The following NTM variants were observed in gnomAD, a reference collection of about 807,000 sequenced individuals.
NTM encodes IgLON family member 2.
A neutral mutation model predicts 42.1 loss-of-function variants in NTM; 13 were observed. The observed-to-expected ratio is 0.31, with a 90% CI of 0.20 to 0.49. The LOEUF is 0.49. NTM is among the 20% of genes least tolerant of loss of function. The probability of loss-of-function intolerance (pLI) is 0.99; values close to 1 mark genes in which losing one functional copy is unlikely to be tolerated. For synonymous variants in NTM, 187 were observed against 179.2 expected (o/e 1.04, Z -0.35); for missense variants, 373 against 452.8 (o/e 0.82, Z 1.60).
intron 1 of NTM, among the ~76,000 whole-genome samples, chr11:131,756,440 C>T (rs1321301365): frequency 6.6e-6 from 1 of 151,666 alleles, no homozygotes; most frequent in Non-Finnish European, 1.5e-5. Flanking sequence ...AGGTCAATTG[C>T]TTGAACTCTG....
intron 1 of NTM, among the ~76,000 whole-genome samples, chr11:131,875,084 C>A (rs1231262595): frequency 1.3e-5 from 2 of 152,196 alleles, no homozygotes; most frequent in Non-Finnish European, 2.9e-5. Flanking sequence ...TCCACTTGTT[C>A]ACTGCGCCTT....
chr11:132,226,181 T>A (rs1008798710), intron 4 of NTM, among the ~76,000 whole-genome samples: 1 of 152,214 alleles, frequency 6.6e-6, no homozygotes, highest in African/African-American at 2.4e-5. Context: ...TACAAGTGCA[T>A]GTGTCTTTAT....
intron 1 of NTM, among the ~76,000 whole-genome samples, chr11:131,754,138 G>T (rs1337914904): frequency 8.3e-6 from 1 of 120,016 alleles, no homozygotes; most frequent in Non-Finnish European, 1.7e-5. Flanking sequence ...GTTGTGGGGT[G>T]GGGGGAGGGG....
At chr11:131,742,488 A>G (rs933971135) in intron 1 of NTM, among the ~76,000 whole-genome samples, 2 of 152,124 alleles carry the variant, frequency 1.3e-5, no homozygotes, top group African/African-American at 2.4e-5. Context: ...TACAAATATC[A>G]TTTGGTATTT....
At chr11:131,966,633 C>G (rs2062864886) in intron 2 of NTM, among the ~76,000 whole-genome samples, 1 of 152,076 alleles carries the variant, frequency 6.6e-6, no homozygotes, top group Non-Finnish European at 1.5e-5. Flanking sequence ...AGAAGTGGAC[C>G]TGGAGTGTCC....
intron 2 of NTM, among the ~76,000 whole-genome samples, chr11:131,998,090 C>T (rs1340644968): frequency 1.3e-5 from 2 of 152,108 alleles, no homozygotes; most frequent in African/African-American, 4.8e-5. Context: ...ACCATTTAGA[C>T]TTTAAGACAG....
intron 1 of NTM, among the ~76,000 whole-genome samples, chr11:131,585,376 G>A (rs2058762874): frequency 2.0e-5 from 3 of 152,280 alleles, no homozygotes; most frequent in Non-Finnish European, 4.4e-5. Flanking sequence ...TGACAAGTCC[G>A]GGTTTGGTGG....
intron 4 of NTM, among the ~76,000 whole-genome samples, chr11:132,248,387 C>T (rs2091494148): frequency 6.7e-6 from 1 of 149,974 alleles, no homozygotes; most frequent in African/African-American, 2.4e-5. Flanking sequence ...AGTGCTATAG[C>T]CCTTGAGGTT....
At chr11:131,386,753 G>A (rs1489631924) in intron 1 of NTM, among the ~76,000 whole-genome samples, 1 of 152,232 alleles carries the variant, frequency 6.6e-6, no homozygotes, top group African/African-American at 2.4e-5. Flanking sequence ...CAGCTGATGA[G>A]TGAACCAGAG....
At chr11:132,165,385 A>G (rs2075110538) in intron 3 of NTM, among the ~76,000 whole-genome samples, 1 of 152,176 alleles carries the variant, frequency 6.6e-6, no homozygotes, top group South Asian at 2.1e-4. Flanking sequence ...ACGATTCCCC[A>G]TCTTTGCTGT....
intron 2 of NTM, among the ~76,000 whole-genome samples, chr11:132,086,841 A>G (rs538973063): frequency 1.3e-5 from 2 of 152,282 alleles, no homozygotes; most frequent in South Asian, 4.1e-4. Flanking sequence ...TTCTAAGCCA[A>G]CCAGTGTCAG....
intron 1 of NTM, among the ~76,000 whole-genome samples, chr11:131,780,631 T>C (rs1307195747): frequency 2.0e-5 from 3 of 152,212 alleles, no homozygotes; most frequent in Non-Finnish European, 2.9e-5. Context: ...CTAATATGCT[T>C]GACACTTCTA....
chr11:131,458,806 G>C (rs1951128061), intron 1 of NTM, among the ~76,000 whole-genome samples: 1 of 152,216 alleles, frequency 6.6e-6, no homozygotes, highest in African/African-American at 2.4e-5. Flanking sequence ...TTCACATCAA[G>C]TCACCTGGAG....
intron 1 of NTM, among the ~76,000 whole-genome samples, chr11:131,815,173 A>T (rs577020636): frequency 6.6e-6 from 1 of 152,156 alleles, no homozygotes; most frequent in South Asian, 2.1e-4. Flanking sequence ...CGGCCCTCTC[A>T]TCCCCTTGCG....
chr11:131,910,470 C>T (rs2054588550), intron 1 of NTM, among the ~76,000 whole-genome samples: 1 of 151,406 alleles, frequency 6.6e-6, no homozygotes, highest in Non-Finnish European at 1.5e-5. Flanking sequence ...GCCCGCGCCC[C>T]GCGCCCCGCG....
chr11:131,401,627 C>A (rs987223952), intron 1 of NTM, among the ~76,000 whole-genome samples: 71 of 150,878 alleles, frequency 4.7e-4, no homozygotes, highest in African/African-American at 1.6e-3. Context: ...CCCACCTGTG[C>A]CCCTCTACTC....
intron 1 of NTM, among the ~76,000 whole-genome samples, chr11:131,811,184 G>C (rs2092715836): frequency 1.3e-5 from 2 of 152,108 alleles, no homozygotes; most frequent in South Asian, 4.2e-4. Context: ...TCCACTACTG[G>C]GAGTTGAGAA....
intron 2 of NTM, among the ~76,000 whole-genome samples, chr11:131,940,172 A>T (rs2059644862): frequency 1.3e-5 from 2 of 152,222 alleles, no homozygotes. Context: ...TCTTTACATT[A>T]CATCTCTAAC....
chr11:131,421,832 T>C (rs746962606), intron 1 of NTM, among the ~76,000 whole-genome samples: 1 of 152,364 alleles, frequency 6.6e-6, no homozygotes. Context: ...TGAATACACA[T>C]GAGGATTTTC....
Sources: allele counts gnomAD v4.1 joint callset (sites outside exome capture counted in the v4.1 genomes callset), GRCh38; gene constraint gnomAD v4.1.1; transcripts MANE v1.5; gene names NCBI Gene and HGNC (gene_info 2026-07-23, HGNC 2026-07-21).